DOCK5: variants seen among roughly 807,000 people sequenced by gnomAD.
The protein encoded by DOCK5 is dedicator of cytokinesis protein 5.
DOCK5 carries 142 observed loss-of-function variants against 251.8 expected under a neutral mutation model. That is an observed-to-expected ratio of 0.56 (90% CI 0.49 to 0.65). The LOEUF is 0.65. Among genes scored for constraint, DOCK5 ranks in the 30% least tolerant of loss-of-function variants. The probability of loss-of-function intolerance (pLI) is 0.00; values close to 1 mark genes in which losing one functional copy is unlikely to be tolerated. For synonymous variants in DOCK5, 842 were observed against 835.5 expected (o/e 1.01, Z -0.13); for missense variants, 2,111 against 2,312.3 (o/e 0.91, Z 1.79).
In DOCK5 at chr8:25,226,258, C is replaced by CTT. The variant is rs1179597860; in HGVS notation, c.44-17395_44-17394dup. 3.0e-3 allele frequency among the ~76,000 whole-genome samples: 348 copies of CTT among 116,940 alleles called. 1 individual carries two copies. The highest frequency in any genetic ancestry group is 3.7e-3 in the Non-Finnish European group (219 of 59,514). 76.7% of individuals were successfully genotyped at this position (116,940 alleles called of 152,430 possible). On this transcript the variant is annotated intron_variant, in intron 1 of 51. Coordinates refer to ENST00000276440, the MANE Select transcript of DOCK5 (RefSeq NM_024940.8). ...ATGTGCCAAATGTGTGTATAGGCTG[C>CTT]TTTTTTTTTTTTTTTTTTTTTTGGA...
At chr8:25,316,924 C>T in intron 13 of DOCK5, 83 bp from the exon 14 acceptor site, 1 of 1,547,602 alleles carries the variant, frequency 6.5e-7, no homozygotes, top group Non-Finnish European at 8.8e-7. Context: ...TTCGTGTTGT[C>T]TTTACCTTTT....
chr8:25,264,411 C>T (rs1188140510), intron 2 of DOCK5, among the ~76,000 whole-genome samples: 1 of 151,522 alleles, frequency 6.6e-6, no homozygotes, highest in Non-Finnish European at 1.5e-5. Context: ...TGTATATATC[C>T]TACATTTTTT....
intron 4 of DOCK5, chr8:25,277,401 C>G (rs1439866907): frequency 3.3e-5 from 5 of 152,314 alleles, no homozygotes; most frequent in Non-Finnish European, 5.9e-5. Context: ...GAAACTGTTG[C>G]TGGGTCAAGT....
At chr8:25,293,699 AG>A (rs1029514809) in intron 6 of DOCK5, among the ~76,000 whole-genome samples, 1 of 152,032 alleles carries the variant, frequency 6.6e-6, no homozygotes, top group African/African-American at 2.4e-5. Flanking sequence ...GTGGTGTCAG[AG>A]GACTTATTAA....
At chr8:25,284,049 A>G (rs1248529756) in intron 5 of DOCK5, among the ~76,000 whole-genome samples, 1 of 152,182 alleles carries the variant, frequency 6.6e-6, no homozygotes, top group Non-Finnish European at 1.5e-5. Flanking sequence ...GTACTATTAT[A>G]TTCAGAAAAA....
intron 14 of DOCK5, among the ~76,000 whole-genome samples, chr8:25,318,775 T>C (rs1211253374): frequency 6.6e-6 from 1 of 152,024 alleles, no homozygotes; most frequent in African/African-American, 2.4e-5. Context: ...AGTTAACTGC[T>C]TTGGTAACCA....
Position 25,373,647 on chromosome 8 carries a change from C to G in DOCK5, c.3714C>G (p.Asp1238Glu). Residue 1238 changes from aspartate to glutamate, a missense_variant, in exon 36 of 52, where the codon GAC becomes GAG. Around this residue, in one of 3 missense-constraint regions of DOCK5, gnomAD observed 1,717 missense variants for 1,892.4 expected, o/e 0.91. Coordinates refer to ENST00000276440, the MANE Select transcript of DOCK5 (RefSeq NM_024940.8). ...LNFYKEKKRE[D>E]IYIRYLYKLR... ...TTTATAAAGAAAAGAAGAGAGAGGA[C>G]ATATACATAAGGTAAGCTGAAGGAA... is the stretch of plus-strand genomic sequence containing the variant. 1 of 1,595,702 alleles carries G rather than the reference C, an allele frequency of 6.3e-7. No homozygotes were observed. The highest frequency in any genetic ancestry group is 8.5e-7 in the Non-Finnish European group (1 of 1,170,782).
chr8:25,332,497 A>C, intron 19 of DOCK5, 106 bp from the exon 20 acceptor site: 1 of 1,221,186 alleles, frequency 8.2e-7, no homozygotes, highest in Non-Finnish European at 1.1e-6. Flanking sequence ...TTTTTTAAAA[A>C]ATGCTATTTT....
intron 2 of DOCK5, among the ~76,000 whole-genome samples, chr8:25,268,264 C>A (rs1803815797): frequency 6.6e-6 from 1 of 151,986 alleles, no homozygotes; most frequent in South Asian, 2.1e-4. Context: ...TTAGCATTAC[C>A]AAGAATTGCA....
In DOCK5 at chr8:25,238,361, C is replaced by T. The variant is rs529206612; in HGVS notation, c.44-5313C>T. 2.0e-5 allele frequency among the ~76,000 whole-genome samples: 3 copies of T among 152,250 alleles called. No individual in the cohort carries two copies. In the South Asian group the frequency reaches 6.2e-4, roughly 32 times the overall value. Reference sequence around the variant, plus strand: ...ACCTGGCATCCACTGTATACAATTACTAAGATATATATGAAAGTAAACTAT... The same window carrying T: ...ACCTGGCATCCACTGTATACAATTATTAAGATATATATGAAAGTAAACTAT... On this transcript the variant is annotated intron_variant, in intron 1 of 51. Coordinates refer to ENST00000276440, the MANE Select transcript of DOCK5 (RefSeq NM_024940.8).
chr8:25,411,499 A>G lies in DOCK5; in HGVS notation c.*201A>G. The G allele has an allele frequency of 1.6e-6, 1 of 627,134 alleles. No homozygotes were observed. Among genetic ancestry groups the G allele is most frequent in the Non-Finnish European group, 2.4e-6 (1 of 424,700 alleles). 38.8% of individuals were successfully genotyped at this position (627,134 alleles called of 1,614,324 possible). A position where few individuals can be genotyped will look rare whatever the true frequency, so the allele number is the denominator to read the frequency against. ...TTTGAGGCCATGCCACCTCCCTTCC[A>G]GTCCACATGGAATTCCAGAATCAGT... On this transcript the variant is annotated 3_prime_UTR_variant, in exon 52 of 52. Transcript: ENST00000276440.
rs1325980709 is a variant in DOCK5 at position 25,243,715 on chromosome 8, T to G, written c.85T>G (p.Leu29Val). The G allele has an allele frequency of 6.2e-7, 1 of 1,613,782 alleles. No homozygotes were observed. The highest frequency in any genetic ancestry group is 1.7e-5 in the Admixed American group (1 of 60,022). Residue 29 changes from leucine to valine, a missense_variant, in exon 2 of 52, where the codon TTG becomes GTG. Coordinates refer to ENST00000276440, the MANE Select transcript of DOCK5 (RefSeq NM_024940.8). ...YNASQDVELS[L>V]QIGDTVHILE... ...TGCTTCTCAAGATGTGGAGCTCTCC[T>G]TGCAGATCGGTGACACAGTTCACAT...
intron 13 of DOCK5, among the ~76,000 whole-genome samples, chr8:25,311,263 G>A (rs1317120454): frequency 6.6e-6 from 1 of 152,116 alleles, no homozygotes; most frequent in Non-Finnish European, 1.5e-5. Context: ...CCATGGCTTG[G>A]CCGAGCAGGG....
intron 48 of DOCK5, among the ~76,000 whole-genome samples, chr8:25,406,059 C>T (rs1019469234): frequency 4.6e-5 from 7 of 152,004 alleles, no homozygotes; most frequent in Non-Finnish European, 8.8e-5. Context: ...CCCGGGTTCA[C>T]GCCATTCTCC....
At chr8:25,275,336 G>A (rs376195259) in intron 3 of DOCK5, 50 bp from the exon 4 acceptor site, 32 of 1,497,056 alleles carry the variant, frequency 2.1e-5, no homozygotes, top group Non-Finnish European at 2.8e-5. Context: ...TTTTTGTTTG[G>A]TTTTTGTTTT....
intron 1 of DOCK5, among the ~76,000 whole-genome samples, chr8:25,201,592 G>A (rs938263006): frequency 7.2e-5 from 11 of 152,194 alleles, no homozygotes; most frequent in Non-Finnish European, 1.3e-4. Context: ...AATCAGAATC[G>A]TCAAGGTGGA....
intron 12 of DOCK5, 76 bp downstream of exon 12, chr8:25,309,001 G>C: frequency 6.5e-7 from 1 of 1,527,940 alleles, no homozygotes; most frequent in East Asian, 2.3e-5. Context: ...TTGGACTCCT[G>C]CCCTTTATTA....
At chr8:25,408,644 C>A (rs984650072) in intron 49 of DOCK5, among the ~76,000 whole-genome samples, 158 bp from the exon 50 acceptor site, 1 of 152,136 alleles carries the variant, frequency 6.6e-6, no homozygotes, top group Non-Finnish European at 1.5e-5. Flanking sequence ...CTAGTCAGTG[C>A]CTGTTCGGTG....
chr8:25,205,994 G>T (rs988649357), intron 1 of DOCK5, among the ~76,000 whole-genome samples: 4 of 152,140 alleles, frequency 2.6e-5, no homozygotes, highest in Non-Finnish European at 5.9e-5. Flanking sequence ...GGAAAGGAAG[G>T]CTGAACATGA....
Sources: gnomAD v4.1 joint callset for allele counts (sites outside exome capture counted in the v4.1 genomes callset) on GRCh38, gnomAD v4.1.1 for gene constraint, gnomAD v4.1.1 regional missense constraint, MANE v1.5 for transcripts, NCBI Gene and HGNC (gene_info 2026-07-23, HGNC 2026-07-21) for gene names.